The following SCRG1 variants were observed in gnomAD, a reference collection of about 807,000 sequenced individuals.
SCRG1 encodes stimulator of chondrogenesis 1.
A neutral mutation model predicts 7.7 loss-of-function variants in SCRG1; 3 were observed. The observed-to-expected ratio is 0.39, with a 90% CI of 0.18 to 1.01. The LOEUF is 1.01. Ranked by LOEUF, SCRG1 falls within the 50% of genes least tolerant of loss-of-function variation. The pLI is 0.36. For synonymous variants in SCRG1, 46 were observed against 41.2 expected (o/e 1.12, Z -0.44); for missense variants, 110 against 117.2 (o/e 0.94, Z 0.28).
intron 2 of SCRG1, chr4:173,389,535 C>CAAAACAAACAAA (rs869095249): frequency 6.0e-6 from 1 of 165,702 alleles, no homozygotes; most frequent in Non-Finnish European, 1.2e-5. Flanking sequence ...GATTCCGTCT[C>CAAAACAAACAAA]AAAACAAACA....
chr4:173,465,070 G>A, the SCRG1 span, among the ~76,000 whole-genome samples: 3 of 152,132 alleles, frequency 2.0e-5, no homozygotes, highest in Non-Finnish European at 4.4e-5. Flanking sequence ...GTAGAATGGT[G>A]GTTACCAGCT....
chr4:173,484,420 T>TA, the SCRG1 span, among the ~76,000 whole-genome samples: 16 of 68,320 alleles, frequency 2.3e-4, no homozygotes, highest in East Asian at 9.4e-4. Context: ...ATATAATATA[T>TA]ATTATATATT....
upstream of SCRG1, among the ~76,000 whole-genome samples, chr4:173,402,270 G>C (rs753885346): frequency 6.6e-6 from 1 of 152,066 alleles, no homozygotes; most frequent in African/African-American, 2.4e-5. Context: ...TGATGTGTGT[G>C]TTTATTTCTA....
chr4:173,407,270 A>C (rs1209680635), upstream of SCRG1, among the ~76,000 whole-genome samples: 1 of 150,854 alleles, frequency 6.6e-6, no homozygotes, highest in Non-Finnish European at 1.5e-5. Context: ...TAATCCCAGC[A>C]CTTTAGGAGG....
chr4:173,483,783 C>CATATATCATATATATGATATATG, the SCRG1 span, among the ~76,000 whole-genome samples: 1 of 19,214 alleles, frequency 5.2e-5, no homozygotes, highest in Non-Finnish European at 9.7e-5. Flanking sequence ...TATGATATAT[C>CATATATCATATATATGATATATG]ATATATCATA....
the SCRG1 span, among the ~76,000 whole-genome samples, chr4:173,481,377 A>G: frequency 6.6e-6 from 1 of 152,218 alleles, no homozygotes; most frequent in African/African-American, 2.4e-5. Context: ...CATAGTGAGT[A>G]CCAATAAGTA....
chr4:173,484,472 TATAA>T, the SCRG1 span, among the ~76,000 whole-genome samples: 1 of 28,504 alleles, frequency 3.5e-5, no homozygotes, highest in African/African-American at 1.0e-4. Context: ...ACATATAATA[TATAA>T]TATATATTAT....
At chr4:173,443,943 TTGTGTGTGTGTGTGTG>T in the SCRG1 span, among the ~76,000 whole-genome samples, 5 of 138,696 alleles carry the variant, frequency 3.6e-5, no homozygotes, top group East Asian at 4.2e-4. Context: ...AGAGCTTGTT[TTGTGTGTGTGTGTGTG>T]TGTGTGTGTG....
At chr4:173,435,809 C>T in the SCRG1 span, among the ~76,000 whole-genome samples, 5 of 152,136 alleles carry the variant, frequency 3.3e-5, no homozygotes, top group African/African-American at 4.8e-5. Flanking sequence ...CCTGTCTTGT[C>T]GCCATGCCTC....
chr4:173,398,326 A>G (rs1739662321), intron 1 of SCRG1: 4 of 152,216 alleles, frequency 2.6e-5, no homozygotes, highest in Admixed American at 2.6e-4. Context: ...AGAGCATGCC[A>G]GAAGATGATA....
chr4:173,477,438 C>A, the SCRG1 span, among the ~76,000 whole-genome samples: 1 of 152,082 alleles, frequency 6.6e-6, no homozygotes. Flanking sequence ...CGGTCATTCC[C>A]AAAATGTTTT....
chr4:173,430,806 CAAAAAAAAAAA>C, the SCRG1 span, among the ~76,000 whole-genome samples: 1 of 59,104 alleles, frequency 1.7e-5, no homozygotes, highest in Non-Finnish European at 2.9e-5. Context: ...GACCCTGTCT[CAAAAAAAAAAA>C]AAAAAAAAAA....
At chr4:173,407,862 T>C (rs906451264), upstream of SCRG1, among the ~76,000 whole-genome samples, 20 of 152,230 alleles carry the variant, frequency 1.3e-4, no homozygotes, top group Admixed American at 3.9e-4. Flanking sequence ...CTGTGGTCTA[T>C]GGAAGCTGTT....
At chr4:173,484,188 C>G in the SCRG1 span, among the ~76,000 whole-genome samples, 1 of 62,124 alleles carries the variant, frequency 1.6e-5, no homozygotes, top group Non-Finnish European at 2.7e-5. Context: ...AATATATTTT[C>G]TATATTATAT....
the SCRG1 span, among the ~76,000 whole-genome samples, chr4:173,493,297 T>G: frequency 6.6e-6 from 1 of 152,114 alleles, no homozygotes; most frequent in Non-Finnish European, 1.5e-5. Context: ...TTCCCCCCTC[T>G]TGCTCTCTCC....
At chr4:173,433,777 G>T in the SCRG1 span, among the ~76,000 whole-genome samples, 1 of 152,128 alleles carries the variant, frequency 6.6e-6, no homozygotes, top group East Asian at 1.9e-4. Flanking sequence ...TCCAGCTAGT[G>T]CCTCTGTCGG....
chr4:173,503,198 T>C, the SCRG1 span, among the ~76,000 whole-genome samples: 5 of 152,196 alleles, frequency 3.3e-5, no homozygotes, highest in Non-Finnish European at 4.4e-5. This position sits in a 1 kb window ranked among gnomAD's most constrained non-coding sequence, Gnocchi z 6.4. Context: ...CCCAGTCATA[T>C]ACATGAGGAC....
the SCRG1 span, among the ~76,000 whole-genome samples, chr4:173,470,289 T>C: frequency 6.6e-6 from 1 of 152,152 alleles, no homozygotes; most frequent in South Asian, 2.1e-4. Context: ...CAGAAACCTA[T>C]ATTGGGCATC....
At chr4:173,507,884 T>C in the SCRG1 span, among the ~76,000 whole-genome samples, 6 of 152,190 alleles carry the variant, frequency 3.9e-5, no homozygotes, top group South Asian at 1.2e-3. This position sits in a 1 kb window ranked among gnomAD's most constrained non-coding sequence, Gnocchi z 4.4. Flanking sequence ...AACGGAGAGT[T>C]TCCAAAGCAG....
Sources: gnomAD v4.1 joint callset for allele counts (sites outside exome capture counted in the v4.1 genomes callset) on GRCh38, gnomAD v4.1.1 for gene constraint, Gnocchi (gnomAD v3.1) non-coding constraint, MANE v1.5 for transcripts, NCBI Gene and HGNC (gene_info 2026-07-23, HGNC 2026-07-21) for gene names.